Variants in SNAP91 observed in about 807,000 individuals in gnomAD.
SNAP91 encodes the protein clathrin coat assembly protein AP180.
In SNAP91, 27 loss-of-function variants were observed where a neutral mutation model predicts 100.3. The ratio of observed to expected loss-of-function variants is 0.27; its 90% CI spans 0.20 to 0.37. SNAP91 has a LOEUF of 0.37. Ranked by LOEUF, SNAP91 falls within the 10% of genes least tolerant of loss-of-function variation. SNAP91 has a pLI of 1.00. For synonymous variants in SNAP91, 404 were observed against 398.6 expected, an observed-to-expected ratio of 1.01 and a Z score of -0.16; for missense variants, 986 against 1,123.7, an observed-to-expected ratio of 0.88 and a Z score of 1.75.
chr6:83,607,329 T>TTG (rs61335064), intron 13 of SNAP91, among the ~76,000 whole-genome samples: 10,375 of 144,728 alleles, frequency 0.072, 390 homozygotes, highest in South Asian at 0.11. Context: ...CCAAGTTGGG[T>TTG]TGTGTGTGTG....
At chr6:83,636,957 G>C (rs2097481596) in intron 8 of SNAP91, among the ~76,000 whole-genome samples, 1 of 152,172 alleles carries the variant, frequency 6.6e-6, no homozygotes, top group South Asian at 2.1e-4. Context: ...TGAGGTTATA[G>C]ATGGGCTCCT....
At chr6:83,555,092 A>G (rs779756477) in intron 29 of SNAP91, among the ~76,000 whole-genome samples, 34 of 152,174 alleles carry the variant, frequency 2.2e-4, no homozygotes, top group Non-Finnish European at 4.6e-4. Context: ...TCCTGAAACT[A>G]TTAAGTGTTC....
chr6:83,674,325 T>C (rs2098830230), intron 2 of SNAP91, among the ~76,000 whole-genome samples: 1 of 151,998 alleles, frequency 6.6e-6, no homozygotes, highest in Admixed American at 6.6e-5. Context: ...TCCCAGCTAC[T>C]TGGGAGGCTG....
At chr6:83,704,820 A>G (rs567402193) in intron 2 of SNAP91, among the ~76,000 whole-genome samples, 1 of 152,176 alleles carries the variant, frequency 6.6e-6, no homozygotes, top group Non-Finnish European at 1.5e-5. Flanking sequence ...CCCAAACTCT[A>G]TATTTTGTGC....
intron 2 of SNAP91, among the ~76,000 whole-genome samples, chr6:83,688,033 C>A (rs1336146882): frequency 6.6e-6 from 1 of 152,098 alleles, no homozygotes; most frequent in African/African-American, 2.4e-5. Flanking sequence ...TATTTTCAAA[C>A]CCATGGAGGT....
At chr6:83,575,964 GT>G in intron 25 of SNAP91, 58 bp downstream of exon 25, 2 of 903,284 alleles carry the variant, frequency 2.2e-6, no homozygotes, top group Non-Finnish European at 3.4e-6. Flanking sequence ...ATGGTTGATA[GT>G]CTCAAATGAA....
At chr6:83,697,470 C>A (rs1420372785) in intron 2 of SNAP91, among the ~76,000 whole-genome samples, 1 of 151,694 alleles carries the variant, frequency 6.6e-6, no homozygotes, top group Non-Finnish European at 1.5e-5. Flanking sequence ...AATTCACAAC[C>A]CAAAAATTAT....
chr6:83,554,268 C>A lies in SNAP91; in HGVS notation c.*28G>T. The A allele has an allele frequency of 3.3e-6, 1 of 303,708 alleles. No individual in the cohort carries two copies. Among genetic ancestry groups the A allele is most frequent in the Non-Finnish European group, 6.4e-6 (1 of 156,638 alleles). 18.8% of individuals were successfully genotyped at this position (303,708 alleles called of 1,614,324 possible). ...CTCCAAACTCATTTATTTTCCTATT[C>A]AGTCACAAATATTGCAGCTGTAAAG... On this transcript the variant is annotated 3_prime_UTR_variant, in exon 30 of 30. Transcript: ENST00000369694.
intron 2 of SNAP91, chr6:83,686,247 G>A (rs2099058754): frequency 2.1e-6 from 2 of 949,692 alleles, no homozygotes; most frequent in Non-Finnish European, 2.5e-6. Flanking sequence ...GAAATTAGAT[G>A]AACCCTCACA....
intron 8 of SNAP91, among the ~76,000 whole-genome samples, chr6:83,629,787 A>G (rs2097132229): frequency 6.6e-6 from 1 of 152,074 alleles, no homozygotes; most frequent in Admixed American, 6.6e-5. Context: ...GTAAGCAATC[A>G]TATCATCAGC....
At chr6:83,600,965 T>C (rs2095134453) in intron 16 of SNAP91, among the ~76,000 whole-genome samples, 1 of 152,172 alleles carries the variant, frequency 6.6e-6, no homozygotes, top group African/African-American at 2.4e-5. Flanking sequence ...GTACCACTTT[T>C]ATACAGACAC....
intron 28 of SNAP91, among the ~76,000 whole-genome samples, chr6:83,559,374 T>C (rs751446906): frequency 1.3e-5 from 2 of 152,202 alleles, no homozygotes; most frequent in Non-Finnish European, 2.9e-5. Context: ...TACTGTCACA[T>C]GATGATGTCC....
At chr6:83,647,076 G>A (rs1482826759) in intron 7 of SNAP91, among the ~76,000 whole-genome samples, 1 of 98,100 alleles carries the variant, frequency 1.0e-5, no homozygotes, top group Non-Finnish European at 2.1e-5. Context: ...TTAGTTCCAG[G>A]AGTTTTTTTT....
chr6:83,706,944 T>C (rs1380037906), intron 2 of SNAP91, among the ~76,000 whole-genome samples: 2 of 152,224 alleles, frequency 1.3e-5, no homozygotes, highest in African/African-American at 4.8e-5. Context: ...TGTTTATCCT[T>C]CGGTGACAAA....
intron 26 of SNAP91, among the ~76,000 whole-genome samples, chr6:83,571,462 T>C (rs1232317621): frequency 6.6e-6 from 1 of 152,162 alleles, no homozygotes; most frequent in African/African-American, 2.4e-5. Context: ...TCAAAGGAGA[T>C]CATTTTGGAG....
intron 2 of SNAP91, among the ~76,000 whole-genome samples, chr6:83,700,859 G>T (rs1298619303): frequency 6.6e-6 from 1 of 152,098 alleles, no homozygotes; most frequent in Non-Finnish European, 1.5e-5. Context: ...TGGCCTCCCA[G>T]AGTGTTGGTA....
intron 16 of SNAP91, among the ~76,000 whole-genome samples, chr6:83,600,903 G>C (rs1162537097): frequency 6.6e-6 from 1 of 152,138 alleles, no homozygotes; most frequent in African/African-American, 2.4e-5. Context: ...CTCTGGGCTA[G>C]TTCTAATCTG....
intron 9 of SNAP91, among the ~76,000 whole-genome samples, chr6:83,620,544 A>T (rs1378212307): frequency 2.0e-5 from 3 of 151,992 alleles, no homozygotes; most frequent in Non-Finnish European, 4.4e-5. Context: ...CCTCAGGTCA[A>T]TTAGAGACTT....
intron 7 of SNAP91, among the ~76,000 whole-genome samples, chr6:83,654,529 G>A (rs2098334980): frequency 6.6e-6 from 1 of 152,128 alleles, no homozygotes; most frequent in Non-Finnish European, 1.5e-5. Flanking sequence ...TTAGCTATCT[G>A]AGTGGAGGCT....
Sources: gnomAD v4.1 joint callset for allele counts (sites outside exome capture counted in the v4.1 genomes callset) on GRCh38, gnomAD v4.1.1 for gene constraint, MANE v1.5 for transcripts, NCBI Gene and HGNC (gene_info 2026-07-23, HGNC 2026-07-21) for gene names.